The following SPATS2 variants were observed in gnomAD, a reference collection of about 807,000 sequenced individuals.
The protein encoded by SPATS2 is spermatogenesis associated serine rich 2.
In SPATS2, 38 loss-of-function variants were observed where a neutral mutation model predicts 63.7. That is an observed-to-expected ratio of 0.60 (90% CI 0.46 to 0.78). SPATS2 has a LOEUF of 0.78. Among genes scored for constraint, SPATS2 ranks in the 30% least tolerant of loss-of-function variants. The pLI is 0.00. For missense variants in SPATS2, 588 were observed against 666.2 expected (o/e 0.88, Z 1.29); for synonymous variants, 207 against 232.9 (o/e 0.89, Z 1.01).
intron 2 of SPATS2, among the ~76,000 whole-genome samples, chr12:49,456,797 C>T (rs1286124757): frequency 6.6e-6 from 1 of 152,184 alleles, no homozygotes; most frequent in Non-Finnish European, 1.5e-5. Context: ...TTATTGTCTG[C>T]AAATGATTTT....
intron 2 of SPATS2, among the ~76,000 whole-genome samples, chr12:49,416,047 C>CA (rs1221704848): frequency 1.4e-5 from 2 of 144,182 alleles, no homozygotes; most frequent in Admixed American, 7.0e-5. Context: ...AATGGCAGAA[C>CA]AAAAAAATCT....
chr12:49,422,427 T>C (rs1047336723), intron 2 of SPATS2, among the ~76,000 whole-genome samples: 5 of 152,196 alleles, frequency 3.3e-5, no homozygotes, highest in South Asian at 2.1e-4. Context: ...TCCTTCTGTT[T>C]CCATAACTAA....
At chr12:49,506,086 G>T (rs1027319505) in intron 9 of SPATS2, among the ~76,000 whole-genome samples, 2 of 152,146 alleles carry the variant, frequency 1.3e-5, no homozygotes, top group Non-Finnish European at 2.9e-5. Flanking sequence ...TATAAAATAG[G>T]TGTTGTGTTA....
At chr12:49,422,925 A>T (rs12315033) in intron 2 of SPATS2, among the ~76,000 whole-genome samples, 48,491 of 151,274 alleles carry the variant, frequency 0.32, 10,747 homozygotes, top group African/African-American at 0.64. Context: ...AAAAAAAAAA[A>T]TTTTTTTAAT....
intron 2 of SPATS2, among the ~76,000 whole-genome samples, chr12:49,447,610 C>A (rs1214966490): frequency 6.6e-6 from 1 of 152,190 alleles, no homozygotes; most frequent in Non-Finnish European, 1.5e-5. Flanking sequence ...AAGACACAAT[C>A]TGGCCTTGTG....
chr12:49,512,874 T>C (rs2138031971), intron 9 of SPATS2: 1 of 1,289,174 alleles, frequency 7.8e-7, no homozygotes, highest in East Asian at 5.6e-5. Flanking sequence ...ATTCCAATGC[T>C]GCTAGAGTTC....
At chr12:49,479,030 G>A (rs1286911901) in intron 3 of SPATS2, among the ~76,000 whole-genome samples, 1 of 152,196 alleles carries the variant, frequency 6.6e-6, no homozygotes, top group Non-Finnish European at 1.5e-5. Flanking sequence ...TTGCCAGCAG[G>A]TCGTCCCATT....
At chr12:49,447,950 T>G (rs1436018004) in intron 2 of SPATS2, among the ~76,000 whole-genome samples, 1 of 151,812 alleles carries the variant, frequency 6.6e-6, no homozygotes, top group Admixed American at 6.6e-5. Flanking sequence ...TTTGATTGAT[T>G]GTGGTCTAAT....
chr12:49,381,803 G>T (rs1944227590), intron 2 of SPATS2, among the ~76,000 whole-genome samples: 1 of 152,122 alleles, frequency 6.6e-6, no homozygotes. Context: ...GATGAGAATA[G>T]GTGATCCAAA....
intron 2 of SPATS2, among the ~76,000 whole-genome samples, chr12:49,403,639 A>ACG (rs1404373750): frequency 6.8e-6 from 1 of 147,304 alleles, no homozygotes; most frequent in African/African-American, 2.6e-5. Context: ...ACACACACAC[A>ACG]CAAACAAAAC....
chr12:49,442,656 A>G (rs1481551499), intron 2 of SPATS2: 1 of 152,532 alleles, frequency 6.6e-6, no homozygotes, highest in Non-Finnish European at 1.5e-5. Flanking sequence ...TTGTGGATAG[A>G]GATGGAATCT....
At chr12:49,380,433 C>T (rs7955781) in intron 2 of SPATS2, among the ~76,000 whole-genome samples, 13,271 of 152,098 alleles carry the variant, frequency 0.087, 648 homozygotes, top group African/African-American at 0.12. Flanking sequence ...TGGCCATGCA[C>T]GGTGACTCAC....
At chr12:49,389,943 A>G (rs1944391151) in intron 2 of SPATS2, 1 of 804,744 alleles carries the variant, frequency 1.2e-6, no homozygotes, top group Admixed American at 1.7e-5. Flanking sequence ...CAGATAAATG[A>G]AATATGGCAG....
chr12:49,479,252 GC>G (rs1373625070), intron 3 of SPATS2, among the ~76,000 whole-genome samples: 2 of 152,212 alleles, frequency 1.3e-5, no homozygotes, highest in Non-Finnish European at 2.9e-5. Flanking sequence ...TAGCAGCCTG[GC>G]CCCCAGCCTT....
chr12:49,514,571 G>A lies in SPATS2; in HGVS notation c.856G>A (p.Val286Met), dbSNP rs770453591. The change falls in exon 10 of 14, where the codon GTG (valine) becomes ATG (methionine). Residue 286 changes from valine to methionine, a missense_variant. Coordinates refer to ENST00000552918, the MANE Select transcript of SPATS2 (RefSeq NM_023071.4). The part of the protein sequence containing the change: ...ELESCLMDRE[V>M]ALLAEMDKVK... ...TTTTCCTAGTTTAATGGATCGAGAA[G>A]TGGCGTTGCTTGCTGAAATGGACAA... 8 of 1,613,234 alleles carry A rather than the reference G, an allele frequency of 5.0e-6. No individual in the cohort carries two copies. The highest frequency in any genetic ancestry group is 5.9e-6 in the Non-Finnish European group (7 of 1,179,686).
intron 9 of SPATS2, among the ~76,000 whole-genome samples, chr12:49,513,210 A>AGTGTGTGTGTGT (rs71860115): frequency 6.8e-6 from 1 of 148,024 alleles, no homozygotes; most frequent in Non-Finnish European, 1.5e-5. Flanking sequence ...AGAGAGAAAG[A>AGTGTGTGTGTGT]GTGTGTGTGT....
intron 2 of SPATS2, among the ~76,000 whole-genome samples, chr12:49,376,496 A>G (rs540382899): frequency 2.6e-5 from 4 of 151,952 alleles, no homozygotes; most frequent in African/African-American, 7.2e-5. Context: ...TCCTGGGCTC[A>G]AGTGATCCTC....
At chr12:49,436,410 A>T (rs1204313474) in intron 2 of SPATS2, among the ~76,000 whole-genome samples, 1 of 136,726 alleles carries the variant, frequency 7.3e-6, no homozygotes, top group Non-Finnish European at 1.6e-5. Context: ...TGACCCCCCC[A>T]CCTCCCTCCC....
At chr12:49,500,961 T>C (rs1946557853) in intron 9 of SPATS2, among the ~76,000 whole-genome samples, 1 of 152,038 alleles carries the variant, frequency 6.6e-6, no homozygotes, top group Non-Finnish European at 1.5e-5. Context: ...TTATTGTTGT[T>C]TTTTGAGACA....
Sources: gnomAD v4.1 joint callset for allele counts (sites outside exome capture counted in the v4.1 genomes callset) on GRCh38, gnomAD v4.1.1 for gene constraint, MANE v1.5 for transcripts, NCBI Gene and HGNC (gene_info 2026-07-23, HGNC 2026-07-21) for gene names.